Variants in PPFIBP1 observed in about 807,000 individuals in gnomAD.
PPFIBP1 encodes PPFIB scaffold protein 1.
In PPFIBP1, 112 loss-of-function variants were observed where a neutral mutation model predicts 137.8. The observed-to-expected ratio is 0.81, with a 90% confidence interval of 0.70 to 0.95. The LOEUF (loss-of-function observed/expected upper bound fraction) is 0.95, where lower values mean the gene tolerates loss of function less well. Ranked by LOEUF, PPFIBP1 falls within the 40% of genes least tolerant of loss-of-function variation. PPFIBP1 has a pLI of 0.00. For missense variants in PPFIBP1, 1,083 were observed against 1,196.6 expected, an observed-to-expected ratio of 0.91 and a Z score of 1.40; for synonymous variants, 378 against 417.3, an observed-to-expected ratio of 0.91 and a Z score of 1.15.
intron 16 of PPFIBP1, among the ~76,000 whole-genome samples, 181 bp downstream of exon 16, chr12:27,674,008 A>T (rs139781971): frequency 3.9e-4 from 60 of 152,344 alleles, no homozygotes; most frequent in Middle Eastern, 3.4e-3. Context: ...GAAGGATTGA[A>T]AATAGTATGT....
At chr12:27,681,757 G>A in intron 22 of PPFIBP1, 61 bp downstream of exon 22, 1 of 1,584,088 alleles carries the variant, frequency 6.3e-7, no homozygotes, top group Middle Eastern at 1.7e-4. Context: ...TATGAATGTA[G>A]GGTTGTTTTA....
At chr12:27,596,873 A>C (rs1298842203) in intron 2 of PPFIBP1, among the ~76,000 whole-genome samples, 3 of 152,210 alleles carry the variant, frequency 2.0e-5, no homozygotes, top group East Asian at 3.8e-4. Flanking sequence ...ATAAACCCAG[A>C]ACCTAGATTC....
chr12:27,605,908 A>T (rs914191645), intron 2 of PPFIBP1, among the ~76,000 whole-genome samples: 1 of 152,208 alleles, frequency 6.6e-6, no homozygotes, highest in Non-Finnish European at 1.5e-5. Flanking sequence ...CAATTTGATA[A>T]TTCCATTGTC....
chr12:27,646,934 C>T (rs1217832985), intron 5 of PPFIBP1, among the ~76,000 whole-genome samples: 1 of 152,218 alleles, frequency 6.6e-6, no homozygotes. Flanking sequence ...GTTGCCCCCC[C>T]TGACTTTGAA....
intron 1 of PPFIBP1, among the ~76,000 whole-genome samples, chr12:27,543,959 C>T (rs1379429082): frequency 1.4e-5 from 2 of 143,756 alleles, no homozygotes; most frequent in Admixed American, 7.4e-5. Context: ...TAGCTCACTG[C>T]AGCCTCAACC....
intron 1 of PPFIBP1, among the ~76,000 whole-genome samples, chr12:27,542,542 G>T (rs987905273): frequency 3.3e-5 from 5 of 152,208 alleles, no homozygotes; most frequent in African/African-American, 1.2e-4. Context: ...CATTGTAGAA[G>T]CTCAGTAATG....
At chr12:27,659,598 C>A (rs1253958191) in intron 10 of PPFIBP1, among the ~76,000 whole-genome samples, 1 of 151,498 alleles carries the variant, frequency 6.6e-6, no homozygotes, top group Non-Finnish European at 1.5e-5. Flanking sequence ...GAGTTTGAGG[C>A]TGCAGTGAGC....
At chr12:27,587,120 C>T (rs1167315504) in intron 2 of PPFIBP1, among the ~76,000 whole-genome samples, 1 of 152,144 alleles carries the variant, frequency 6.6e-6, no homozygotes, top group Non-Finnish European at 1.5e-5. Context: ...TGCCTTTTTA[C>T]AGTTAGGACT....
rs997613084 is a variant in PPFIBP1 at position 27,597,495 on chromosome 12, G to A, written c.-36+19256G>A. On this transcript the variant is annotated intron_variant, in intron 2 of 29. Coordinates refer to ENST00000228425, the MANE Select transcript of PPFIBP1 (RefSeq NM_003622.4). ...AAATAAGCATTCAGCTTTCTCTTTGGCATAATGGGATCTGGAGTCGTCTCT... is the reference window on the plus strand; with the variant it reads ...AAATAAGCATTCAGCTTTCTCTTTGACATAATGGGATCTGGAGTCGTCTCT... 5.3e-5 allele frequency among the ~76,000 whole-genome samples: 8 copies of A among 152,086 alleles called. No homozygotes were observed. In the East Asian group the frequency reaches 1.2e-3, roughly 22 times the overall value.
At chr12:27,660,731 G>T (rs1381124019) in intron 10 of PPFIBP1, among the ~76,000 whole-genome samples, 153 bp from the exon 11 acceptor site, 1 of 152,172 alleles carries the variant, frequency 6.6e-6, no homozygotes, top group Non-Finnish European at 1.5e-5. Flanking sequence ...TTCCAAAAGA[G>T]AATATGGGTG....
chr12:27,560,795 C>T (rs767624874), intron 1 of PPFIBP1, among the ~76,000 whole-genome samples: 8 of 152,224 alleles, frequency 5.3e-5, no homozygotes, highest in Non-Finnish European at 1.2e-4. Flanking sequence ...CCTGACCATT[C>T]TACCCCACAG....
At chr12:27,672,350 A>T in intron 14 of PPFIBP1, 77 bp from the exon 15 acceptor site, 3 of 1,182,782 alleles carry the variant, frequency 2.5e-6, no homozygotes, top group Admixed American at 2.5e-5. Context: ...TTTGTTTTTG[A>T]CTTATCTGTT....
chr12:27,658,754 A>G lies in PPFIBP1; in HGVS notation c.812-62A>G. The G allele has an allele frequency of 2.6e-6, 4 of 1,512,104 alleles. No homozygotes were observed. In the Admixed American group the frequency reaches 7.3e-5, roughly 28 times the overall value. 93.7% of individuals were successfully genotyped at this position (1,512,104 alleles called of 1,614,324 possible). On this transcript the variant is annotated intron_variant, in intron 9 of 29. Coordinates refer to ENST00000228425, the MANE Select transcript of PPFIBP1 (RefSeq NM_003622.4). Reference sequence around the variant, plus strand: ...AAAAGAGACTAAATAGTAGTGATTTAAAAATATTACTTATTGTTGTAATGT... The same window carrying G: ...AAAAGAGACTAAATAGTAGTGATTTGAAAATATTACTTATTGTTGTAATGT...
In PPFIBP1 at chr12:27,667,338, G is replaced by A. The variant is rs1218766289; in HGVS notation, c.1146+18G>A. ...CCGAAGAGGTATTAATAGACTTTCA[G>A]TATTTCCTTTATGTTGAAGAGACTG... On this transcript the variant is annotated intron_variant, in intron 13 of 29. Transcript: ENST00000228425. 3 of 1,561,394 alleles carry A rather than the reference G, an allele frequency of 1.9e-6. No individual in the cohort carries two copies. The South Asian group carries it at 3.7e-5, about 19-fold the overall frequency.
chr12:27,653,650 G>A (rs993360805), intron 7 of PPFIBP1, among the ~76,000 whole-genome samples: 1 of 151,236 alleles, frequency 6.6e-6, no homozygotes, highest in African/African-American at 2.4e-5. Context: ...CCATTGTAGG[G>A]ATCTTTGTGG....
chr12:27,611,308 G>A (rs2055081029), intron 2 of PPFIBP1, among the ~76,000 whole-genome samples: 1 of 152,152 alleles, frequency 6.6e-6, no homozygotes, highest in Non-Finnish European at 1.5e-5. Context: ...AGGGCCAGGA[G>A]GGAAGGATCT....
chr12:27,685,717 A>C (rs1338812610), intron 24 of PPFIBP1, among the ~76,000 whole-genome samples: 2 of 152,200 alleles, frequency 1.3e-5, no homozygotes, highest in Admixed American at 1.3e-4. Flanking sequence ...TGAAATGTGA[A>C]TAAAGTCTGC....
intron 1 of PPFIBP1, among the ~76,000 whole-genome samples, chr12:27,534,305 A>T (rs1944735713): frequency 6.6e-6 from 1 of 152,088 alleles, no homozygotes; most frequent in Non-Finnish European, 1.5e-5. Flanking sequence ...AAAAGATGTG[A>T]TCAGAAGGGA....
intron 5 of PPFIBP1, among the ~76,000 whole-genome samples, chr12:27,647,253 A>G (rs1045414565): frequency 2.0e-5 from 3 of 152,132 alleles, no homozygotes; most frequent in Non-Finnish European, 4.4e-5. Context: ...TGCCCGCCTC[A>G]GCCTCCCAAA....
Sources: allele counts gnomAD v4.1 joint callset (sites outside exome capture counted in the v4.1 genomes callset), GRCh38; gene constraint gnomAD v4.1.1; transcripts MANE v1.5; gene names NCBI Gene and HGNC (gene_info 2026-07-23, HGNC 2026-07-21).